Variants in HDDC2 observed in about 807,000 individuals in gnomAD.
HDDC2 encodes the protein HD domain containing 2, also known as 5'-deoxynucleotidase HDDC2.
Under a neutral mutation model 25.5 loss-of-function variants are expected in HDDC2, and 25 were observed. The observed-to-expected ratio is 0.98, with a 90% CI of 0.72 to 1.37. The LOEUF (loss-of-function observed/expected upper bound fraction) is 1.37. HDDC2 is among the 40% of genes most tolerant of loss of function. The pLI, the probability that HDDC2 is intolerant of heterozygous loss-of-function variation, is 0.00. For missense variants in HDDC2, 264 were observed against 253.1 expected (o/e 1.04, Z -0.29); for synonymous variants, 106 against 89.7 (o/e 1.18, Z -1.03).
intron 4 of HDDC2, among the ~76,000 whole-genome samples, chr6:125,283,961 A>G (rs910877319): frequency 6.6e-6 from 1 of 152,192 alleles, no homozygotes; most frequent in Non-Finnish European, 1.5e-5. Context: ...CTGGTACCAA[A>G]ACAGATATAT....
At chr6:125,299,750 G>T (rs182111240) in intron 2 of HDDC2, among the ~76,000 whole-genome samples, 1 of 152,272 alleles carries the variant, frequency 6.6e-6, no homozygotes, top group African/African-American at 2.4e-5. Context: ...GACTCCTCAG[G>T]CTTCCCAAAT....
At chr6:125,292,739 G>C in intron 4 of HDDC2, 102 bp downstream of exon 4, 1 of 892,484 alleles carries the variant, frequency 1.1e-6, no homozygotes, top group Non-Finnish European at 1.9e-6. Context: ...ACAGTAATAA[G>C]TTAGGGACCG....
chr6:125,293,011 A>C (rs1293288189), intron 3 of HDDC2, 102 bp from the exon 4 acceptor site: 5 of 912,388 alleles, frequency 5.5e-6, no homozygotes, highest in South Asian at 1.3e-5. Flanking sequence ...AACAACTCTC[A>C]CAGGGGCAGC....
chr6:125,301,681 T>C (rs1299351438), intron 1 of HDDC2, among the ~76,000 whole-genome samples, 168 bp downstream of exon 1: 3 of 152,098 alleles, frequency 2.0e-5, no homozygotes, highest in Non-Finnish European at 4.4e-5. Flanking sequence ...CCGTCCACCG[T>C]CGGCAACGCG....
intron 4 of HDDC2, 116 bp from the exon 5 acceptor site, chr6:125,277,356 G>A (rs918621867): frequency 1.5e-5 from 14 of 940,364 alleles, no homozygotes; most frequent in East Asian, 9.9e-5. Flanking sequence ...ATTCTGTATC[G>A]GCCCCATTTC....
At chr6:125,292,298 C>G (rs1798644181) in intron 4 of HDDC2, among the ~76,000 whole-genome samples, 1 of 152,130 alleles carries the variant, frequency 6.6e-6, no homozygotes, top group Non-Finnish European at 1.5e-5. Context: ...CCCTTTCCTT[C>G]CAGCCTAACC....
chr6:125,293,001 A>G, intron 3 of HDDC2, 92 bp from the exon 4 acceptor site: 1 of 989,546 alleles, frequency 1.0e-6, no homozygotes, highest in South Asian at 1.3e-5. Flanking sequence ...GATTCTTACA[A>G]ACAACTCTCA....
intron 1 of HDDC2, among the ~76,000 whole-genome samples, chr6:125,301,126 T>C (rs1211639672): frequency 3.9e-5 from 6 of 152,188 alleles, no homozygotes; most frequent in Non-Finnish European, 8.8e-5. Flanking sequence ...CAGCCGTGAC[T>C]CTTCCTTTTA....
intron 1 of HDDC2, among the ~76,000 whole-genome samples, 194 bp downstream of exon 1, chr6:125,301,655 C>A (rs1477004349): frequency 6.6e-6 from 1 of 152,170 alleles, no homozygotes; most frequent in Admixed American, 6.5e-5. Context: ...CCAGCCTGTC[C>A]CGCCGGCTGC....
intron 4 of HDDC2, among the ~76,000 whole-genome samples, chr6:125,280,189 A>G (rs9491356): frequency 0.015 from 2,335 of 152,294 alleles, 60 homozygotes; most frequent in African/African-American, 0.053. Context: ...CTGTGCTGTG[A>G]GGAAGGGTGC....
rs1470091496 is a variant in HDDC2, at chr6:125,300,534, T to C, written c.206+4A>G. The stretch of plus-strand genomic sequence containing the variant: ...CACGAGCATCAAAGTCCAGCTCAGC[T>C]TACCGGTCTTTGTTAAGACGGTCAT... On this transcript the variant is annotated splice_donor_region_variant and intron_variant, in intron 2 of 5. Coordinates refer to ENST00000398153, the MANE Select transcript of HDDC2 (RefSeq NM_016063.3). The C allele has an allele frequency of 6.2e-7, 1 of 1,613,160 alleles. No individual in the cohort carries two copies. The highest frequency in any genetic ancestry group is 8.5e-7 in the Non-Finnish European group (1 of 1,179,628).
chr6:125,278,605 G>A (rs1320168813), intron 4 of HDDC2: 1 of 152,206 alleles, frequency 6.6e-6, no homozygotes, highest in African/African-American at 2.4e-5. Flanking sequence ...GGGGTGAGAA[G>A]AATGCATGGC....
chr6:125,287,346 T>C (rs972147290), intron 4 of HDDC2, among the ~76,000 whole-genome samples: 1 of 152,104 alleles, frequency 6.6e-6, no homozygotes, highest in African/African-American at 2.4e-5. Flanking sequence ...GGTGTTTCGA[T>C]TGGGGCAAAG....
intron 3 of HDDC2, among the ~76,000 whole-genome samples, chr6:125,296,467 T>C (rs1798707563): frequency 6.6e-6 from 1 of 152,184 alleles, no homozygotes; most frequent in Non-Finnish European, 1.5e-5. Context: ...CTCATTTAAT[T>C]ATCTTAATGC....
intron 3 of HDDC2, 44 bp downstream of exon 3, chr6:125,298,670 G>A: frequency 7.0e-7 from 1 of 1,434,680 alleles, no homozygotes; most frequent in Non-Finnish European, 9.8e-7. Flanking sequence ...TTCAGCAAGA[G>A]GTTTTTCTGG....
intron 4 of HDDC2, among the ~76,000 whole-genome samples, chr6:125,291,215 TTCTAAAG>T: frequency 6.6e-6 from 1 of 152,168 alleles, no homozygotes; most frequent in East Asian, 1.9e-4. Flanking sequence ...AGGCACACTT[TTCTAAAG>T]TGTAGTAACA....
rs770115188 is a variant in HDDC2, at chr6:125,300,539, G to T, written c.205C>A (p.Arg69=). The change falls in exon 2 of 6, where the codon CGA becomes AGA. Residue 69 remains arginine, a splice_region_variant and synonymous_variant. Transcript: ENST00000398153. ...GCATCAAAGTCCAGCTCAGCTTACC[G>T]GTCTTTGTTAAGACGGTCATCTTTG... is the stretch of plus-strand genomic sequence containing the variant. ...VIKDDRLNKD[R]CVRLALVHDM... 15 of 1,613,220 alleles carry T rather than the reference G, an allele frequency of 9.3e-6. No homozygotes were observed. Among genetic ancestry groups the T allele is most frequent in the Non-Finnish European group, 1.2e-5 (14 of 1,179,758 alleles).
chr6:125,291,681 G>A (rs1798633360), intron 4 of HDDC2, among the ~76,000 whole-genome samples: 1 of 152,158 alleles, frequency 6.6e-6, no homozygotes, highest in Non-Finnish European at 1.5e-5. Context: ...ATTTTCTAGA[G>A]GAGAAAATGT....
Position 125,293,434 on chromosome 6 carries a change from C to T in HDDC2, c.310-525G>A, listed in dbSNP as rs79257522. On this transcript the variant is annotated intron_variant, in intron 3 of 5. Transcript: ENST00000398153. ...GAGCGATTATTGCCATTAACATAAA[C>T]GAAGTTACATGATAGAATTTTGTAG... Among the ~76,000 whole-genome samples, 915 of 152,208 alleles carry T rather than the reference C, an allele frequency of 6.0e-3. 12 individuals carry two copies. Among genetic ancestry groups the T allele is most frequent in the African/African-American group, 0.021 (857 of 41,534 alleles).
Sources: allele counts gnomAD v4.1 joint callset (sites outside exome capture counted in the v4.1 genomes callset), GRCh38; gene constraint gnomAD v4.1.1; transcripts MANE v1.5; gene names NCBI Gene and HGNC (gene_info 2026-07-23, HGNC 2026-07-21).